Variants in CFAP58 observed in about 807,000 individuals in gnomAD.
The protein encoded by CFAP58 is cilia and flagella associated protein 58, also known as cilia- and flagella-associated protein 58.
Under a neutral mutation model 119.5 loss-of-function variants are expected in CFAP58, and 88 were observed. That is an observed-to-expected ratio of 0.74 (90% CI 0.62 to 0.88). The LOEUF (loss-of-function observed/expected upper bound fraction) is 0.88. CFAP58 is among the 40% of genes least tolerant of loss of function. CFAP58 has a pLI of 0.00. For synonymous variants in CFAP58, 365 were observed against 366.3 expected (o/e 1.00, Z 0.04); for missense variants, 990 against 1,021.2 (o/e 0.97, Z 0.42).
chr10:104,406,316 T>A (rs1403540377), intron 14 of CFAP58, among the ~76,000 whole-genome samples: 1 of 152,182 alleles, frequency 6.6e-6, no homozygotes, highest in Non-Finnish European at 1.5e-5. Context: ...CTCCTAGGGC[T>A]GTCCTGCAGC....
chr10:104,345,937 T>G, the CFAP58 span, among the ~76,000 whole-genome samples: 344 of 152,212 alleles, frequency 2.3e-3, no homozygotes, highest in Non-Finnish European at 4.4e-3. Context: ...ACTGTGTTCA[T>G]CTGCTTGTAT....
intron 15 of CFAP58, among the ~76,000 whole-genome samples, chr10:104,438,720 T>C (rs531246791): frequency 1.3e-5 from 2 of 152,340 alleles, no homozygotes; most frequent in South Asian, 4.1e-4. Flanking sequence ...TAATTTTCTA[T>C]TACCTTAAAA....
intron 14 of CFAP58, among the ~76,000 whole-genome samples, chr10:104,404,259 G>A (rs1257899182): frequency 5.9e-5 from 9 of 152,270 alleles, no homozygotes; most frequent in East Asian, 5.8e-4. Flanking sequence ...CAGAAAATAC[G>A]GTTTTGTGAA....
chr10:104,355,634 A>T (rs971021077), intron 1 of CFAP58, among the ~76,000 whole-genome samples: 18 of 152,262 alleles, frequency 1.2e-4, no homozygotes, highest in Non-Finnish European at 4.4e-5. Flanking sequence ...TGCCTGGCAC[A>T]TAGCAAACAA....
intron 15 of CFAP58, among the ~76,000 whole-genome samples, chr10:104,430,208 C>T (rs898853478): frequency 6.6e-6 from 1 of 152,222 alleles, no homozygotes; most frequent in Admixed American, 6.5e-5. Flanking sequence ...TTGTTGGTCG[C>T]TTTCTTTGCC....
Position 104,447,748 on chromosome 10 carries a change from T to C in CFAP58, c.2307T>C (p.Pro769=). 6.2e-7 allele frequency: 1 copy of C among 1,614,164 alleles called. No homozygotes were observed. Among genetic ancestry groups the C allele is most frequent in the Admixed American group, 1.7e-5 (1 of 60,014 alleles). ...MELKHVLARQ[P]GPEAAEQLKL... is the part of the protein sequence containing the mutation. Reference sequence around the variant, plus strand: ...TAAAGCACGTCTTGGCCCGCCAGCCTGGACCTGAGGCTGCGGAACAGCTGA... The same window carrying C: ...TAAAGCACGTCTTGGCCCGCCAGCCCGGACCTGAGGCTGCGGAACAGCTGA... Residue 769 remains proline (P), a synonymous_variant, in exon 16 of 18, where the codon CCT becomes CCC. Transcript: ENST00000369704.
At chr10:104,382,803 C>T (rs571568920) in intron 9 of CFAP58, among the ~76,000 whole-genome samples, 3 of 152,312 alleles carry the variant, frequency 2.0e-5, no homozygotes, top group African/African-American at 4.8e-5. Flanking sequence ...TTGTAAGTTT[C>T]CTGAGGCTTC....
intron 11 of CFAP58, among the ~76,000 whole-genome samples, chr10:104,395,251 T>C (rs2012127528): frequency 6.6e-6 from 1 of 152,126 alleles, no homozygotes; most frequent in African/African-American, 2.4e-5. Context: ...CATAATACAA[T>C]AAAATACAGG....
At chr10:104,359,601 A>T (rs2014639928) in intron 2 of CFAP58, among the ~76,000 whole-genome samples, 1 of 152,234 alleles carries the variant, frequency 6.6e-6, no homozygotes, top group Non-Finnish European at 1.5e-5. Flanking sequence ...TCAGGAGACC[A>T]GCCTGGCCAA....
chr10:104,391,143 T>C (rs1210596705), intron 9 of CFAP58, among the ~76,000 whole-genome samples: 2 of 152,216 alleles, frequency 1.3e-5, no homozygotes, highest in African/African-American at 4.8e-5. Context: ...TTTGGGAACA[T>C]GTTGCTCACA....
Position 104,379,125 on chromosome 10 carries a change from C to T in CFAP58, c.1174-904C>T, listed in dbSNP as rs117521955. Among the ~76,000 whole-genome samples the T allele has an allele frequency of 1.4e-3, 216 of 152,156 alleles. 1 individual carries two copies. The East Asian group carries it at 0.025, about 18-fold the overall frequency. ...TCACCACAATCTAGTTTGACAATCTCGTCCCCCCAGAAGAAACCCTGTACC... is the reference window on the plus strand; with the variant it reads ...TCACCACAATCTAGTTTGACAATCTTGTCCCCCCAGAAGAAACCCTGTACC... On this transcript the variant is annotated intron_variant, in intron 8 of 17. Coordinates refer to ENST00000369704, the MANE Select transcript of CFAP58 (RefSeq NM_001008723.2).
At position 104,380,192 on chromosome 10, in the gene CFAP58, T is replaced by C. The variant is rs765619455; in HGVS notation, c.1337T>C (p.Ile446Thr). 2 of 1,613,938 alleles carry C rather than the reference T, an allele frequency of 1.2e-6. No individual in the cohort carries two copies. Among genetic ancestry groups the C allele is most frequent in the Admixed American group, 3.3e-5 (2 of 60,004 alleles). Residue 446 changes from isoleucine (I) to threonine (T), a missense_variant, in exon 9 of 18, where the codon ATC (isoleucine) becomes ACC (threonine). Coordinates refer to ENST00000369704, the MANE Select transcript of CFAP58 (RefSeq NM_001008723.2). ...CTGGAAAAGGAGCGTGACCGGTACA[T>C]CAACCAAGCCAGTGACCTTACGCAA... Reference protein sequence around the residue: ...FHLEKERDRYINQASDLTQKV... With the variant: ...FHLEKERDRYTNQASDLTQKV...
chr10:104,360,575 C>T (rs1044621107), intron 2 of CFAP58, among the ~76,000 whole-genome samples: 38 of 152,140 alleles, frequency 2.5e-4, no homozygotes, highest in Non-Finnish European at 1.5e-5. Context: ...ATTATTTAAT[C>T]ACCAGGTATT....
Position 104,362,036 on chromosome 10 carries a change from C to A in CFAP58, c.305C>A (p.Ala102Asp), listed in dbSNP as rs146854063. The A allele has an allele frequency of 2.4e-5, 38 of 1,613,584 alleles. No homozygotes were observed. The South Asian group carries it at 4.0e-4, about 17-fold the overall frequency. Reference protein sequence around the residue: ...IASLKKEIEKAWKMVDSAYDK... With the variant: ...IASLKKEIEKDWKMVDSAYDK... ...TGGCCCATCTAGGAAATTGAAAAGG[C>A]CTGGAAGATGGTGGACTCAGCCTAT... Residue 102 changes from alanine to aspartate, a missense_variant, in exon 3 of 18, where the codon GCC (alanine) becomes GAC (aspartate). By Grantham distance (126) the Ala-to-Asp change is moderately radical. Coordinates refer to ENST00000369704, the MANE Select transcript of CFAP58 (RefSeq NM_001008723.2).
intron 7 of CFAP58, among the ~76,000 whole-genome samples, chr10:104,374,198 G>A (rs1032652765): frequency 2.6e-5 from 4 of 151,896 alleles, no homozygotes; most frequent in Admixed American, 2.6e-4. Context: ...GGTGGCTCAC[G>A]CCTATAATCC....
intron 15 of CFAP58, among the ~76,000 whole-genome samples, chr10:104,440,845 G>C (rs1278031490): frequency 6.6e-6 from 1 of 151,104 alleles, no homozygotes; most frequent in African/African-American, 2.4e-5. Context: ...TTCCCTTTCC[G>C]TGGCCCACCA....
intron 2 of CFAP58, among the ~76,000 whole-genome samples, chr10:104,359,097 C>T (rs2014634389): frequency 6.6e-6 from 1 of 152,164 alleles, no homozygotes; most frequent in Non-Finnish European, 1.5e-5. Flanking sequence ...CCCAGTTCCT[C>T]ATAATAGGAG....
chr10:104,382,893 T>C (rs761443048), intron 9 of CFAP58, among the ~76,000 whole-genome samples: 1 of 152,162 alleles, frequency 6.6e-6, no homozygotes, highest in Non-Finnish European at 1.5e-5. Flanking sequence ...TTTGTAGCAG[T>C]ATGAAAATGG....
chr10:104,411,121 G>C (rs995979050), intron 15 of CFAP58, among the ~76,000 whole-genome samples: 3 of 151,938 alleles, frequency 2.0e-5, no homozygotes, highest in Non-Finnish European at 4.4e-5. Flanking sequence ...TGTATTTTTA[G>C]TAGAGACGGG....
Sources: allele counts gnomAD v4.1 joint callset (sites outside exome capture counted in the v4.1 genomes callset), GRCh38; gene constraint gnomAD v4.1.1; transcripts MANE v1.5; gene names NCBI Gene and HGNC (gene_info 2026-07-23, HGNC 2026-07-21).